The following GABRA4 variants were observed in gnomAD, a reference collection of about 807,000 sequenced individuals.
GABRA4 encodes gamma-aminobutyric acid type A receptor subunit alpha4.
A neutral mutation model predicts 49.7 loss-of-function variants in GABRA4; 12 were observed. The ratio of observed to expected loss-of-function variants is 0.24; its 90% CI spans 0.15 to 0.39. GABRA4 has a LOEUF of 0.39. Among genes scored for constraint, GABRA4 ranks in the 10% least tolerant of loss-of-function variants. GABRA4 has a pLI of 1.00. For synonymous variants in GABRA4, 288 were observed against 240.2 expected (o/e 1.20, Z -1.84); for missense variants, 506 against 686.0 (o/e 0.74, Z 2.93).
At chr4:46,970,083 G>C (rs1560477540) in intron 7 of GABRA4, among the ~76,000 whole-genome samples, 1 of 151,358 alleles carries the variant, frequency 6.6e-6, no homozygotes, top group South Asian at 2.1e-4. Flanking sequence ...GTTGTCTTTA[G>C]AGTATTTCAG....
At chr4:46,958,839 CA>C (rs921301771) in intron 8 of GABRA4, among the ~76,000 whole-genome samples, 7 of 151,892 alleles carry the variant, frequency 4.6e-5, no homozygotes, top group African/African-American at 1.7e-4. Flanking sequence ...GATGATGAAT[CA>C]AACTACCAGT....
chr4:46,935,077 C>G (rs1331846887), intron 8 of GABRA4, among the ~76,000 whole-genome samples: 1 of 152,144 alleles, frequency 6.6e-6, no homozygotes, highest in Non-Finnish European at 1.5e-5. Flanking sequence ...TAAAAATAAT[C>G]TGAGACTGGT....
In GABRA4 at chr4:46,951,586, G is replaced by C. The variant is rs1722173691; in HGVS notation, c.1134+13384C>G. ...GCCACTCTTTGCCAAATTCTCTTTG[G>C]AGATGTCAATCCCAATCTCCAAGTG... On this transcript the variant is annotated intron_variant, in intron 8 of 8. Transcript: ENST00000264318. 2.0e-5 allele frequency among the ~76,000 whole-genome samples: 3 copies of C among 151,916 alleles called. No homozygotes were observed. In the South Asian group the frequency reaches 6.2e-4, roughly 32 times the overall value.
intron 8 of GABRA4, among the ~76,000 whole-genome samples, chr4:46,963,704 T>A (rs1336356904): frequency 3.3e-5 from 5 of 151,752 alleles, no homozygotes; most frequent in African/African-American, 1.2e-4. Context: ...TAGGTAAAGG[T>A]GCTCAACATC....
Position 46,992,278 on chromosome 4 carries a change from C to A in GABRA4, c.205+550G>T, listed in dbSNP as rs537044344. On this transcript the variant is annotated intron_variant, in intron 2 of 8. Coordinates refer to ENST00000264318, the MANE Select transcript of GABRA4 (RefSeq NM_000809.4). ...TAGGAGGAAAGCAAATGACACATCA[C>A]CAAAAAAGAAAGGGAAAAAAGAAAA... Among the ~76,000 whole-genome samples the A allele has an allele frequency of 2.4e-4, 36 of 152,076 alleles. No homozygotes were observed. In the South Asian group the frequency reaches 7.3e-3, roughly 31 times the overall value.
chr4:46,955,293 A>G (rs1414768896), intron 8 of GABRA4, among the ~76,000 whole-genome samples: 1 of 152,052 alleles, frequency 6.6e-6, no homozygotes, highest in East Asian at 1.9e-4. Context: ...ATGCAACACT[A>G]AACTTATGGC....
chr4:46,977,290 G>A, intron 4 of GABRA4, 120 bp downstream of exon 4: 3 of 420,478 alleles, frequency 7.1e-6, no homozygotes, highest in Non-Finnish European at 1.3e-5. Context: ...GGAAGGGAGG[G>A]AGGAAGGGAG....
At chr4:46,972,853 A>AT (rs1279056199) in intron 6 of GABRA4, among the ~76,000 whole-genome samples, 1 of 151,234 alleles carries the variant, frequency 6.6e-6, no homozygotes, top group Non-Finnish European at 1.5e-5. Context: ...TGCTTTATCC[A>AT]TTTTTTCTTA....
intron 6 of GABRA4, among the ~76,000 whole-genome samples, chr4:46,973,738 T>TC (rs1468989943): frequency 2.0e-5 from 3 of 151,592 alleles, no homozygotes; most frequent in Non-Finnish European, 4.4e-5. Flanking sequence ...ATAATAAACA[T>TC]CCCCCCTACT....
At chr4:46,938,039 T>A (rs768267763) in intron 8 of GABRA4, among the ~76,000 whole-genome samples, 6 of 152,072 alleles carry the variant, frequency 3.9e-5, no homozygotes, top group Non-Finnish European at 8.8e-5. Context: ...ATTAACAATA[T>A]AATTTATAAC....
chr4:46,957,900 A>G (rs1722422864), intron 8 of GABRA4, among the ~76,000 whole-genome samples: 1 of 151,978 alleles, frequency 6.6e-6, no homozygotes, highest in South Asian at 2.1e-4. Context: ...CTAAATGTAA[A>G]AGTTTTTATT....
chr4:46,973,433 C>G (rs571364708), intron 6 of GABRA4, among the ~76,000 whole-genome samples: 1 of 151,678 alleles, frequency 6.6e-6, no homozygotes, highest in Non-Finnish European at 1.5e-5. Context: ...GAAATGGGTC[C>G]TCATTGAACA....
At chr4:46,932,487 AT>A (rs1459005561) in intron 8 of GABRA4, among the ~76,000 whole-genome samples, 1 of 152,118 alleles carries the variant, frequency 6.6e-6, no homozygotes, top group Non-Finnish European at 1.5e-5. Flanking sequence ...GTTAAGAAAA[AT>A]TATACAAGAC....
Position 46,921,750 on chromosome 4 carries a change from C to CCCACCTAAGACA in GABRA4, c.*6463_*6474dup, listed in dbSNP as rs1721043717. The stretch of plus-strand genomic sequence containing the variant: ...AAATAAAAATATTTATAATTCACTC[C>CCCACCTAAGACA]CCACCTAAGACAGTCTCCAAAAATA... On this transcript the variant is annotated 3_prime_UTR_variant, in exon 9 of 9. Transcript: ENST00000264318. The CCCACCTAAGACA allele has an allele frequency of 6.6e-6, 1 of 151,614 alleles. No homozygotes were observed. Among genetic ancestry groups the CCCACCTAAGACA allele is most frequent in the Non-Finnish European group, 1.5e-5 (1 of 67,874 alleles). 9.4% of individuals were successfully genotyped at this position (151,614 alleles called of 1,614,324 possible).
chr4:46,953,355 T>C (rs544757680), intron 8 of GABRA4, among the ~76,000 whole-genome samples: 1 of 152,252 alleles, frequency 6.6e-6, no homozygotes, highest in East Asian at 1.9e-4. Flanking sequence ...ATCACTATAC[T>C]CTGTCTCCTG....
intron 8 of GABRA4, among the ~76,000 whole-genome samples, chr4:46,935,006 C>T (rs75822667): frequency 0.018 from 2,763 of 152,282 alleles, 35 homozygotes; most frequent in Non-Finnish European, 0.032. Context: ...AGATACTATG[C>T]TAGATGAATC....
rs2109927660 is a variant in GABRA4 at position 46,921,701 on chromosome 4, A to G, written c.*6524T>C. ...GGTCTATTGGAAGTGCAAATAACAT[A>G]TGGTGACTCAGTTAAAGGTGGTGAA... is the stretch of plus-strand genomic sequence containing the variant. On this transcript the variant is annotated 3_prime_UTR_variant, in exon 9 of 9. Coordinates refer to ENST00000264318, the MANE Select transcript of GABRA4 (RefSeq NM_000809.4). The G allele has an allele frequency of 6.6e-6, 1 of 152,232 alleles. No individual in the cohort carries two copies. Among genetic ancestry groups the G allele is most frequent in the South Asian group, 2.1e-4 (1 of 4,830 alleles). 9.4% of individuals were successfully genotyped at this position (152,232 alleles called of 1,614,324 possible). A position where few individuals can be genotyped will look rare whatever the true frequency, so the allele number is the denominator to read the frequency against.
At chr4:46,970,028 T>C (rs1209459633) in intron 7 of GABRA4, among the ~76,000 whole-genome samples, 1 of 151,308 alleles carries the variant, frequency 6.6e-6, no homozygotes, top group Non-Finnish European at 1.5e-5. Context: ...TGCATCCTCA[T>C]ACTCCAACAC....
intron 8 of GABRA4, among the ~76,000 whole-genome samples, chr4:46,944,503 G>A (rs1721916574): frequency 6.6e-6 from 1 of 151,940 alleles, no homozygotes; most frequent in Non-Finnish European, 1.5e-5. Context: ...TAAATTGCTT[G>A]CACACATCCT....
Sources: gnomAD v4.1 joint callset for allele counts (sites outside exome capture counted in the v4.1 genomes callset) on GRCh38, gnomAD v4.1.1 for gene constraint, MANE v1.5 for transcripts, NCBI Gene and HGNC (gene_info 2026-07-23, HGNC 2026-07-21) for gene names.